Variants in NKAIN2 observed in about 807,000 individuals in gnomAD.
The protein encoded by NKAIN2 is sodium/potassium transporting ATPase interacting 2.
A neutral mutation model predicts 32.6 loss-of-function variants in NKAIN2; 14 were observed. The observed-to-expected ratio is 0.43, with a 90% CI of 0.28 to 0.67. The LOEUF is 0.67. NKAIN2 is among the 30% of genes least tolerant of loss of function. The pLI is 0.17. For synonymous variants in NKAIN2, 80 were observed against 87.2 expected (o/e 0.92, Z 0.46); for missense variants, 198 against 258.3 (o/e 0.77, Z 1.60).
intron 3 of NKAIN2, among the ~76,000 whole-genome samples, chr6:124,571,928 A>T (rs1452215466): frequency 6.6e-6 from 1 of 152,074 alleles, no homozygotes; most frequent in Admixed American, 6.5e-5. Flanking sequence ...CAGATCATTT[A>T]TTTCTTATTC....
intron 2 of NKAIN2, 32 bp from the exon 3 acceptor site, chr6:124,355,235 T>G (rs769792377): frequency 7.2e-7 from 1 of 1,387,768 alleles, no homozygotes. Context: ...TCCAAATTAA[T>G]TATACGTTAT....
intron 4 of NKAIN2, among the ~76,000 whole-genome samples, chr6:124,729,136 G>A (rs1026942224): frequency 3.3e-5 from 5 of 152,178 alleles, no homozygotes; most frequent in Non-Finnish European, 7.3e-5. Context: ...AGTATGAGGA[G>A]GAACTGGTAC....
chr6:124,197,777 A>G (rs1469336605), intron 1 of NKAIN2, among the ~76,000 whole-genome samples: 1 of 148,758 alleles, frequency 6.7e-6, no homozygotes, highest in Non-Finnish European at 1.5e-5. Context: ...ACCCTTTAAT[A>G]CCACTGATCA....
intron 2 of NKAIN2, among the ~76,000 whole-genome samples, chr6:124,312,097 G>A (rs1011710615): frequency 6.6e-6 from 1 of 151,982 alleles, no homozygotes; most frequent in East Asian, 1.9e-4. Flanking sequence ...TGCATACATG[G>A]GAGTATTTAG....
chr6:124,715,639 C>T (rs1344393741), intron 4 of NKAIN2, among the ~76,000 whole-genome samples: 3 of 152,192 alleles, frequency 2.0e-5, no homozygotes, highest in African/African-American at 7.2e-5. Flanking sequence ...AATCAAGGAC[C>T]ACGATGTACA....
intron 3 of NKAIN2, among the ~76,000 whole-genome samples, chr6:124,378,462 C>T (rs1800085942): frequency 6.6e-6 from 1 of 152,112 alleles, no homozygotes; most frequent in Non-Finnish European, 1.5e-5. Context: ...ACATCCTGTT[C>T]CTATGAGTGA....
chr6:123,808,976 A>G (rs1773338903), intron 1 of NKAIN2, among the ~76,000 whole-genome samples: 2 of 152,228 alleles, frequency 1.3e-5, no homozygotes, highest in Admixed American at 6.5e-5. Context: ...TCCTGGAAAT[A>G]TAAATACAAA....
At chr6:123,992,141 A>T (rs1435441665) in intron 1 of NKAIN2, among the ~76,000 whole-genome samples, 2 of 152,122 alleles carry the variant, frequency 1.3e-5, no homozygotes, top group East Asian at 3.9e-4. Flanking sequence ...GGAAGGCAGG[A>T]TAGTAGGGAA....
intron 4 of NKAIN2, among the ~76,000 whole-genome samples, chr6:124,712,159 G>A (rs1317380176): frequency 6.6e-6 from 1 of 151,236 alleles, no homozygotes; most frequent in Non-Finnish European, 1.5e-5. Context: ...CCCACTTGAG[G>A]AGGCAGTCTG....
intron 1 of NKAIN2, among the ~76,000 whole-genome samples, chr6:124,170,707 T>C (rs1788800177): frequency 6.6e-6 from 1 of 152,166 alleles, no homozygotes. Flanking sequence ...AATATATGCA[T>C]TTAGAATACG....
intron 1 of NKAIN2, among the ~76,000 whole-genome samples, chr6:123,967,620 G>A (rs1467837790): frequency 6.6e-6 from 1 of 151,170 alleles, no homozygotes; most frequent in Non-Finnish European, 1.5e-5. Context: ...TTGGTGTAGA[G>A]CACAGAAGTC....
chr6:124,270,253 G>C (rs1794695214), intron 1 of NKAIN2, among the ~76,000 whole-genome samples: 1 of 152,172 alleles, frequency 6.6e-6, no homozygotes, highest in Admixed American at 6.5e-5. Context: ...AACGGAGAGG[G>C]CAGAACTATT....
At chr6:124,360,238 T>A (rs1035967986) in intron 3 of NKAIN2, among the ~76,000 whole-genome samples, 1 of 152,164 alleles carries the variant, frequency 6.6e-6, no homozygotes, top group South Asian at 2.1e-4. Context: ...ATTCTCTTTT[T>A]TGGTTGTGTC....
chr6:124,426,761 G>A (rs544702134), intron 3 of NKAIN2, among the ~76,000 whole-genome samples: 10 of 152,230 alleles, frequency 6.6e-5, no homozygotes, highest in South Asian at 2.1e-4. Context: ...TTCTGGGAGC[G>A]ACTCGGTGGG....
intron 3 of NKAIN2, among the ~76,000 whole-genome samples, chr6:124,433,477 A>T (rs1408402792): frequency 2.6e-5 from 4 of 152,180 alleles, no homozygotes; most frequent in Admixed American, 2.0e-4. Context: ...CAGAATTCTG[A>T]TAAACTGTCA....
chr6:124,685,627 A>T (rs918269981), intron 4 of NKAIN2, among the ~76,000 whole-genome samples: 1 of 152,196 alleles, frequency 6.6e-6, no homozygotes, highest in Non-Finnish European at 1.5e-5. Flanking sequence ...ATATTATGAA[A>T]TGCTATCCTA....
At chr6:124,678,656 T>C (rs1773472366) in intron 4 of NKAIN2, among the ~76,000 whole-genome samples, 1 of 152,222 alleles carries the variant, frequency 6.6e-6, no homozygotes, top group African/African-American at 2.4e-5. Flanking sequence ...GACAGTTATT[T>C]TGAATTCTTT....
chr6:124,431,108 T>C (rs1468690881), intron 3 of NKAIN2, among the ~76,000 whole-genome samples: 3 of 152,186 alleles, frequency 2.0e-5, no homozygotes, highest in South Asian at 2.1e-4. Context: ...TTTTACAAAA[T>C]GCATATGATT....
chr6:123,921,414 T>G (rs1405156969), intron 1 of NKAIN2, among the ~76,000 whole-genome samples: 1 of 152,336 alleles, frequency 6.6e-6, no homozygotes, highest in African/African-American at 2.4e-5. Flanking sequence ...GTGCATTAAT[T>G]TATTCATTCC....
Sources: allele counts gnomAD v4.1 joint callset (sites outside exome capture counted in the v4.1 genomes callset), GRCh38; gene constraint gnomAD v4.1.1; transcripts MANE v1.5; gene names NCBI Gene and HGNC (gene_info 2026-07-23, HGNC 2026-07-21).